The following CRADD variants were observed in gnomAD, a reference collection of about 807,000 sequenced individuals.
CRADD encodes death domain-containing protein CRADD.
In CRADD, 9 loss-of-function variants were observed where a neutral mutation model predicts 15.5. That is an observed-to-expected ratio of 0.58 (90% confidence interval 0.35 to 1.01). CRADD has a LOEUF of 1.01. Ranked by LOEUF, CRADD falls within the 50% of genes least tolerant of loss-of-function variation. The pLI is 0.02. For missense variants in CRADD, 227 were observed against 250.3 expected, an observed-to-expected ratio of 0.91 and a Z score of 0.63; for synonymous variants, 118 against 107.6, an observed-to-expected ratio of 1.10 and a Z score of -0.60.
intron 2 of CRADD, among the ~76,000 whole-genome samples, chr12:93,882,740 C>T (rs570133033): frequency 1.2e-4 from 18 of 152,274 alleles, no homozygotes; most frequent in African/African-American, 1.7e-4. Flanking sequence ...CTGAAGACAG[C>T]GTTGTCTTCA....
At chr12:93,744,301 C>A (rs938740308) in intron 2 of CRADD, among the ~76,000 whole-genome samples, 9 of 152,176 alleles carry the variant, frequency 5.9e-5, no homozygotes, top group African/African-American at 2.2e-4. Flanking sequence ...GCCCAGTTGC[C>A]TTTCTTGGAG....
chr12:93,725,448 T>TGCTGTCTCTATTGACTTGAAAG (rs368689495), intron 2 of CRADD, among the ~76,000 whole-genome samples: 4 of 152,160 alleles, frequency 2.6e-5, no homozygotes, highest in African/African-American at 9.7e-5. Flanking sequence ...TTGAACCAAA[T>TGCTGTCTCTATTGACTTGAAAG]GCCATTACTG....
chr12:93,797,905 C>T (rs1020858077), intron 2 of CRADD, among the ~76,000 whole-genome samples: 5 of 152,156 alleles, frequency 3.3e-5, no homozygotes, highest in South Asian at 2.1e-4. Flanking sequence ...CTTCCAGGAT[C>T]GAGCCTGCAG....
intron 2 of CRADD, among the ~76,000 whole-genome samples, chr12:93,886,264 G>A (rs115255610): frequency 8.1e-5 from 12 of 148,642 alleles, no homozygotes; most frequent in South Asian, 2.1e-4. Context: ...TCCTGGGCTC[G>A]ATCCTCCCAC....
rs12298901 is a variant in CRADD at position 93,687,368 on chromosome 12, T to G, written c.298+8296T>G. On this transcript the variant is annotated intron_variant, in intron 2 of 2. Transcript: ENST00000332896. ...TGAACATCAGGGTTGATTTAACTCA[T>G]TGTTGCTCAGCTGTGGCTATGCTTT... Among the ~76,000 whole-genome samples the G allele has an allele frequency of 9.2e-3, 1,407 of 152,318 alleles. 16 individuals are homozygous for G. Among genetic ancestry groups the G allele is most frequent in the African/African-American group, 0.032 (1,348 of 41,568 alleles).
rs914072278 is a variant in CRADD, at chr12:93,730,956, G to A, written c.298+51884G>A. ...GTCTCCAACTCCTGACCTCTCAACT[G>A]ATCTGCCTGCCTTGGCCTCCCAAAG... On this transcript the variant is annotated intron_variant, in intron 2 of 2. Coordinates refer to ENST00000332896, the MANE Select transcript of CRADD (RefSeq NM_003805.5). 8.5e-5 allele frequency among the ~76,000 whole-genome samples: 13 copies of A among 152,214 alleles called. No individual in the cohort carries two copies. In the East Asian group the frequency reaches 2.3e-3, roughly 27 times the overall value.
chr12:93,728,539 C>A (rs10859564), intron 2 of CRADD, among the ~76,000 whole-genome samples: 1 of 151,776 alleles, frequency 6.6e-6, no homozygotes, highest in African/African-American at 2.4e-5. Flanking sequence ...TGATAAAATA[C>A]GGTAAAGTTC....
At chr12:93,851,209 G>T (rs1465186068), downstream of CRADD, among the ~76,000 whole-genome samples, 2 of 152,100 alleles carry the variant, frequency 1.3e-5, no homozygotes, top group Non-Finnish European at 2.9e-5. Context: ...ATCTCATTTG[G>T]ACCTCTCAGC....
intron 2 of CRADD, among the ~76,000 whole-genome samples, chr12:93,724,151 G>A (rs1956311946): frequency 6.6e-6 from 1 of 152,098 alleles, no homozygotes; most frequent in South Asian, 2.1e-4. Flanking sequence ...AGGCCGAGGT[G>A]GGTAGATTAT....
rs375648623 is a variant in CRADD at position 93,859,106 on chromosome 12, A to G, written c.299-34944A>G. Among the ~76,000 whole-genome samples, 5 of 152,346 alleles carry G rather than the reference A, an allele frequency of 3.3e-5. No homozygotes were observed. In the South Asian group the frequency reaches 8.3e-4, roughly 25 times the overall value. On this transcript the variant is annotated intron_variant, in intron 2 of 2. Coordinates refer to the CRADD transcript ENST00000548483. ...AAGTGCAAATGAAACCTGTCTTTACATGCACAGTGGGGCATATGCTTCCAT... is the reference window on the plus strand; with the variant it reads ...AAGTGCAAATGAAACCTGTCTTTACGTGCACAGTGGGGCATATGCTTCCAT...
intron 2 of CRADD, among the ~76,000 whole-genome samples, chr12:93,753,276 A>C (rs1473037499): frequency 2.0e-5 from 3 of 152,134 alleles, no homozygotes; most frequent in Non-Finnish European, 2.9e-5. Flanking sequence ...ATTACCTCCC[A>C]CTGGGTCCCT....
chr12:93,775,105 A>G (rs1957127194), intron 2 of CRADD, among the ~76,000 whole-genome samples: 1 of 152,216 alleles, frequency 6.6e-6, no homozygotes, highest in South Asian at 2.1e-4. Context: ...CAAAATGATG[A>G]TCAATGCTCC....
At chr12:93,697,091 A>G (rs10745658) in intron 2 of CRADD, among the ~76,000 whole-genome samples, 90,448 of 152,012 alleles carry the variant, frequency 0.6, 28,169 homozygotes, top group East Asian at 0.91. Context: ...AGTGTATGAG[A>G]TAATGCATAT....
chr12:93,754,822 C>T (rs1236083536), intron 2 of CRADD, among the ~76,000 whole-genome samples: 3 of 152,162 alleles, frequency 2.0e-5, no homozygotes, highest in Non-Finnish European at 4.4e-5. Flanking sequence ...CAAACTGTTC[C>T]AACCTCTGCC....
intron 2 of CRADD, among the ~76,000 whole-genome samples, chr12:93,878,685 C>G (rs557464248): frequency 1.3e-5 from 2 of 152,186 alleles, no homozygotes; most frequent in East Asian, 3.9e-4. Flanking sequence ...TGGCGATTCC[C>G]TCTGGCTAGG....
chr12:93,790,974 C>T (rs1489337228), intron 2 of CRADD, among the ~76,000 whole-genome samples: 1 of 150,802 alleles, frequency 6.6e-6, no homozygotes, highest in Non-Finnish European at 1.5e-5. Flanking sequence ...AATCACTCCC[C>T]ACCCCCCGAC....
chr12:93,692,348 A>G (rs1955594012), intron 2 of CRADD, among the ~76,000 whole-genome samples: 1 of 152,202 alleles, frequency 6.6e-6, no homozygotes, highest in African/African-American at 2.4e-5. Context: ...ATCTGGGGAA[A>G]GATATAATAT....
At chr12:93,751,041 A>T (rs1035923648) in intron 2 of CRADD, among the ~76,000 whole-genome samples, 1 of 152,214 alleles carries the variant, frequency 6.6e-6, no homozygotes, top group Non-Finnish European at 1.5e-5. Context: ...TGTGTCTACT[A>T]TACTCTTTCT....
chr12:93,838,564 C>CTT (rs796681947), intron 2 of CRADD, among the ~76,000 whole-genome samples: 3 of 60,712 alleles, frequency 4.9e-5, no homozygotes, highest in Non-Finnish European at 6.8e-5. Context: ...CTTTCTCTCT[C>CTT]TTTTTTTTTT....
Sources: gnomAD v4.1 joint callset for allele counts (sites outside exome capture counted in the v4.1 genomes callset) on GRCh38, gnomAD v4.1.1 for gene constraint, MANE v1.5 for transcripts, NCBI Gene and HGNC (gene_info 2026-07-23, HGNC 2026-07-21) for gene names.